The following EXOSC9 variants were observed in gnomAD, a reference collection of about 807,000 sequenced individuals.
EXOSC9 encodes exosome complex component RRP45.
In EXOSC9, 38 loss-of-function variants were observed where a neutral mutation model predicts 56.5. That is an observed-to-expected ratio of 0.67 (90% CI 0.52 to 0.88). The LOEUF is 0.88. Among genes scored for constraint, EXOSC9 ranks in the 40% least tolerant of loss-of-function variants. The pLI, the probability that EXOSC9 is intolerant of heterozygous loss-of-function variation, is 0.00. For synonymous variants in EXOSC9, 170 were observed against 170.8 expected, an observed-to-expected ratio of 0.99 and a Z score of 0.04; for missense variants, 559 against 530.5, an observed-to-expected ratio of 1.05 and a Z score of -0.53.
chr4:121,811,472 GAA>G, intron 7 of EXOSC9, 109 bp from the exon 8 acceptor site: 1 of 562,344 alleles, frequency 1.8e-6, no homozygotes, highest in Non-Finnish European at 3.0e-6. Context: ...TTCATGTTTG[GAA>G]AAGTCAGGCT....
rs1727164941 is a variant in EXOSC9, at chr4:121,810,024, G to C, written c.663G>C (p.Leu221=). ...EREERVMDGL[L]VIAMNKHREI... ...AAGAACGTGTGATGGATGGCTTGCTGGTGATTGCCATGAACAAACATCGAG... is the reference window on the plus strand; with the variant it reads ...AAGAACGTGTGATGGATGGCTTGCTCGTGATTGCCATGAACAAACATCGAG... Residue 221 remains leucine (L), a synonymous_variant, in exon 7 of 12, where the codon CTG becomes CTC. Transcript: ENST00000243498. The C allele has an allele frequency of 6.2e-7, 1 of 1,613,678 alleles. No homozygotes were observed. The highest frequency in any genetic ancestry group is 1.1e-5 in the South Asian group (1 of 91,078).
Position 121,802,898 on chromosome 4 carries a change from C to G in EXOSC9, c.282-17C>G, listed in dbSNP as rs34669312. The G allele has an allele frequency of 1.9e-6, 3 of 1,611,986 alleles. No homozygotes were observed. Among genetic ancestry groups the G allele is most frequent in the African/African-American group, 1.3e-5 (1 of 74,942 alleles). ...TATATTTCATGACATTAGCCCATTC[C>G]TATTTTCTCCTTATAGGCAGTCAGA... On this transcript the variant is annotated splice_polypyrimidine_tract_variant and intron_variant, in intron 3 of 11. Coordinates refer to ENST00000243498, the MANE Select transcript of EXOSC9 (RefSeq NM_005033.3).
In EXOSC9 at chr4:121,813,315, T is replaced by G; in HGVS notation, c.909T>G (p.Ile303Met). 6.2e-7 allele frequency: 1 copy of G among 1,613,698 alleles called. No homozygotes were observed. Among genetic ancestry groups the G allele is most frequent in the Non-Finnish European group, 8.5e-7 (1 of 1,179,664 alleles). ...CATTTAAAATGGAAAAGGCCCCTAT[T>G]GATACCTCGGATGTAGAAGAAAAAG... ...ITAFKMEKAP[I>M]DTSDVEEKAE... Residue 303 changes from isoleucine to methionine, a missense_variant, in exon 9 of 12, where the codon ATT becomes ATG. Physicochemically the swap from Ile to Met is conservative, Grantham distance 10 (BLOSUM62 1). Transcript: ENST00000243498.
In EXOSC9 at chr4:121,816,860, T is replaced by TAA. The variant is rs1553929198; in HGVS notation, c.*5_*6dup. The stretch of plus-strand genomic sequence containing the variant: ...AAAGAAGAGAGCTGCCAATTAAAGC[T>TAA]AACAGTTGTATATCTGTATATATAA... On this transcript the variant is annotated 3_prime_UTR_variant, in exon 12 of 12. Transcript: ENST00000243498. The TAA allele has an allele frequency of 1.9e-6, 3 of 1,574,658 alleles. No homozygotes were observed. The highest frequency in any genetic ancestry group is 2.6e-6 in the Non-Finnish European group (3 of 1,156,452).
rs766699400 is a variant in EXOSC9, at chr4:121,814,027, T to C, written c.1136T>C (p.Val379Ala). The C allele has an allele frequency of 6.2e-7, 1 of 1,612,146 alleles. No individual in the cohort carries two copies. Among genetic ancestry groups the C allele is most frequent in the South Asian group, 1.1e-5 (1 of 90,950 alleles). The change falls in exon 10 of 12, where the codon GTC (valine) becomes GCC (alanine). Residue 379 changes from valine (V) to alanine (A), a missense_variant. Val to Ala is a moderately conservative substitution (Grantham distance 64). Transcript: ENST00000243498. ...ATAAAAATGGACACTGGAGTAGAAGTCTCTGATATTGGAAGCCAAGGTAGG... is the reference window on the plus strand; with the variant it reads ...ATAAAAATGGACACTGGAGTAGAAGCCTCTGATATTGGAAGCCAAGGTAGG... ...DGIKMDTGVEVSDIGSQDAPI... is the reference protein window; with the variant it reads ...DGIKMDTGVEASDIGSQDAPI...
At chr4:121,806,053 CCTTGGCCTCCCAA>C (rs1047972894) in intron 5 of EXOSC9, among the ~76,000 whole-genome samples, 68 of 152,288 alleles carry the variant, frequency 4.5e-4, no homozygotes, top group East Asian at 5.8e-4. Context: ...GATCCTCCCA[CCTTGGCCTCCCAA>C]ACTGTTGGGA....
rs1726876718 is a variant in EXOSC9 at position 121,801,850 on chromosome 4, T to G, written c.90T>G (p.Tyr30Ter). 1.2e-6 allele frequency: 2 copies of G among 1,613,794 alleles called. No homozygotes were observed. The highest frequency in any genetic ancestry group is 1.7e-6 in the Non-Finnish European group (2 of 1,179,800). Residue 30 changes from tyrosine (Y) to a stop codon, truncating the protein, a stop_gained, in exon 2 of 12, where the codon TAT becomes TAG. Transcript: ENST00000243498. LOFTEE classifies it high-confidence loss of function. ...EKKRLDGRQT[Y>*]DYRNIRISFG... ...AGCGGCTGGATGGCAGACAAACCTATGATTATAGGAACATCAGGATCTCAT... is the reference window on the plus strand; with the variant it reads ...AGCGGCTGGATGGCAGACAAACCTAGGATTATAGGAACATCAGGATCTCAT...
Position 121,804,645 on chromosome 4 carries a change from A to G in EXOSC9, c.408A>G (p.Leu136=). The change falls in exon 5 of 12, where the codon CTA becomes CTG. Residue 136 remains leucine, a synonymous_variant. Transcript: ENST00000243498. ...AGGTTTGGCAAATACGTGTAGACCT[A>G]CATTTATTAAATCATGATGGAAATA... ...GEKVWQIRVD[L]HLLNHDGNII... is the part of the protein sequence containing the mutation. 6.2e-7 allele frequency: 1 copy of G among 1,604,066 alleles called. No homozygotes were observed. The highest frequency in any genetic ancestry group is 2.2e-5 in the East Asian group (1 of 44,762).
At position 121,804,662 on chromosome 4, in the gene EXOSC9, A is replaced by G. The variant is rs1284555906; in HGVS notation, c.425A>G (p.Asp142Gly). The change falls in exon 5 of 12, where the codon GAT becomes GGT. Residue 142 changes from aspartate to glycine, a missense_variant. By Grantham distance (94) the Asp-to-Gly change is moderately conservative. Transcript: ENST00000243498. ...GTAGACCTACATTTATTAAATCATG[A>G]TGGAAATATTATTGATGCTGCCAGC... ...IRVDLHLLNHDGNIIDAASIA... is the reference protein window; with the variant it reads ...IRVDLHLLNHGGNIIDAASIA... 1.7e-5 allele frequency: 27 copies of G among 1,606,164 alleles called. No homozygotes were observed. The highest frequency in any genetic ancestry group is 2.1e-5 in the Non-Finnish European group (25 of 1,173,342).
chr4:121,813,168 C>G (rs1011706281), intron 8 of EXOSC9, 66 bp from the exon 9 acceptor site: 7 of 1,425,222 alleles, frequency 4.9e-6, no homozygotes, highest in Non-Finnish European at 6.7e-6. Flanking sequence ...TTTTCCCTTC[C>G]TGTCTTCTAT....
intron 6 of EXOSC9, 117 bp downstream of exon 6, chr4:121,807,739 G>T: frequency 1.5e-6 from 1 of 660,962 alleles, no homozygotes; most frequent in Non-Finnish European, 2.7e-6. Context: ...AAAGCACCTT[G>T]TATTTCCTTT....
chr4:121,816,396 A>G lies in EXOSC9; in HGVS notation c.1184A>G (p.Glu395Gly), dbSNP rs748370398. Residue 395 changes from glutamate (E) to glycine (G), a missense_variant, in exon 11 of 12, where the codon GAA (glutamate) becomes GGA (glycine). Coordinates refer to ENST00000243498, the MANE Select transcript of EXOSC9 (RefSeq NM_005033.3). ...GCTCCCATAATACTCTCAGATAGTG[A>G]AGAAGAAGAAATGATCATTTTGGAA... is the stretch of plus-strand genomic sequence containing the variant. Reference protein sequence around the residue: ...QDAPIILSDSEEEEMIILEPD... With the variant: ...QDAPIILSDSGEEEMIILEPD... 6.4e-7 allele frequency: 1 copy of G among 1,560,830 alleles called. No homozygotes were observed.
At chr4:121,816,509 C>A in intron 11 of EXOSC9, 62 bp downstream of exon 11, 1 of 1,131,286 alleles carries the variant, frequency 8.8e-7, no homozygotes, top group Non-Finnish European at 1.3e-6. Flanking sequence ...GAGGTTTGCT[C>A]TCTGGTTTTA....
chr4:121,808,266 A>G (rs1578501530), intron 6 of EXOSC9, among the ~76,000 whole-genome samples: 1 of 151,496 alleles, frequency 6.6e-6, no homozygotes, highest in Non-Finnish European at 1.5e-5. Flanking sequence ...AACACTTACA[A>G]GTTTTAGTGA....
chr4:121,807,512 A>G, intron 5 of EXOSC9, 28 bp from the exon 6 acceptor site: 1 of 1,407,842 alleles, frequency 7.1e-7, no homozygotes. Context: ...TAGTGACTAT[A>G]ATTATTAAAC....
At position 121,813,905 on chromosome 4, in the gene EXOSC9, A is replaced by G. The variant is rs762201983; in HGVS notation, c.1014A>G (p.Gln338=). 1 of 1,613,520 alleles carries G rather than the reference A, an allele frequency of 6.2e-7. No homozygotes were observed. The highest frequency in any genetic ancestry group is 1.3e-5 in the African/African-American group (1 of 74,980). Reference sequence around the variant, plus strand: ...TGCTATGGACTCCTGGAACTGCCCAAATTGGAGAGGGAGTAGAAAACTCCT... The same window carrying G: ...TGCTATGGACTCCTGGAACTGCCCAGATTGGAGAGGGAGTAGAAAACTCCT... ...TPVLWTPGTA[Q]IGEGVENSWG... is the part of the protein sequence containing the mutation. Residue 338 remains glutamine (Q), a synonymous_variant, in exon 10 of 12, where the codon CAA becomes CAG. Transcript: ENST00000243498.
intron 10 of EXOSC9, chr4:121,814,741 A>T (rs1724422952): frequency 6.6e-6 from 1 of 152,250 alleles, no homozygotes; most frequent in African/African-American, 2.4e-5. Context: ...CATGCTAGAC[A>T]TCGCAGTATT....
chr4:121,805,092 A>G (rs1009280871), intron 5 of EXOSC9, among the ~76,000 whole-genome samples: 1 of 152,204 alleles, frequency 6.6e-6, no homozygotes, highest in Non-Finnish European at 1.5e-5. Context: ...GCACAGTGAG[A>G]TGCTTACCCT....
chr4:121,815,406 AGC>A (rs1335536256), intron 10 of EXOSC9: 1 of 984,284 alleles, frequency 1.0e-6, no homozygotes, highest in Non-Finnish European at 1.2e-6. Context: ...GGTGGACCTA[AGC>A]ATTGGAAAAA....
Sources: allele counts gnomAD v4.1 joint callset (sites outside exome capture counted in the v4.1 genomes callset), GRCh38; gene constraint gnomAD v4.1.1; transcripts MANE v1.5; gene names NCBI Gene and HGNC (gene_info 2026-07-23, HGNC 2026-07-21).